Variants in IPO7 observed in about 807,000 individuals in gnomAD.
IPO7 encodes the protein importin 7.
In IPO7, 13 loss-of-function variants were observed where a neutral mutation model predicts 136.4. The observed-to-expected ratio is 0.10, with a 90% CI of 0.06 to 0.15. The LOEUF (loss-of-function observed/expected upper bound fraction) is 0.15, where lower values mean the gene tolerates loss of function less well. Ranked by LOEUF, IPO7 falls within the 10% of genes least tolerant of loss-of-function variation. The pLI, the probability that IPO7 is intolerant of heterozygous loss-of-function variation, is 1.00. For synonymous variants in IPO7, 403 were observed against 404.4 expected (o/e 1.00, Z 0.04); for missense variants, 857 against 1,240.6 (o/e 0.69, Z 4.65).
chr11:9,402,574 T>A (rs1370999527), intron 1 of IPO7, among the ~76,000 whole-genome samples: 2 of 148,648 alleles, frequency 1.3e-5, no homozygotes, highest in Admixed American at 1.3e-4. Context: ...ATATAAAAAA[T>A]TAGGGCTGGG....
chr11:9,424,070 A>C (rs1564999910), intron 10 of IPO7, among the ~76,000 whole-genome samples, 194 bp downstream of exon 10: 1 of 152,170 alleles, frequency 6.6e-6, no homozygotes, highest in Non-Finnish European at 1.5e-5. Context: ...GGCAGACACA[A>C]ATTCAATACT....
intron 7 of IPO7, 41 bp downstream of exon 7, chr11:9,420,546 A>C: frequency 6.4e-7 from 1 of 1,570,382 alleles, no homozygotes; most frequent in Non-Finnish European, 8.8e-7. Context: ...TAATTTATTA[A>C]GGTTTTGCTT....
chr11:9,438,077 T>TTTGG lies in IPO7; in HGVS notation c.2490-3_2490-2insTTGG. On this transcript the variant is annotated splice_region_variant and splice_polypyrimidine_tract_variant and intron_variant, in intron 21 of 24. Transcript: ENST00000379719. ...TTTTTTTTTTTTTTTTTTTTTTTTT[T>TTTGG]AGGCTTCATGACAGAAAGATGTGTG... The TTTGG allele has an allele frequency of 8.3e-7, 1 of 1,201,298 alleles. No homozygotes were observed. The highest frequency in any genetic ancestry group is 1.2e-6 in the Non-Finnish European group (1 of 866,684). The allele number at this position is 1,201,298 out of a possible 1,614,324, so 74.4% of individuals were successfully genotyped here. A position where few individuals can be genotyped will look rare whatever the true frequency, so the allele number is the denominator to read the frequency against.
chr11:9,402,865 A>C (rs1205864754), intron 1 of IPO7: 1 of 166,748 alleles, frequency 6.0e-6, no homozygotes, highest in Admixed American at 6.4e-5. Context: ...AAAAAAAAAA[A>C]AATTAGCGGG....
At position 9,418,925 on chromosome 11, in the gene IPO7, A is replaced by T. The variant is rs372247747; in HGVS notation, c.727-1486A>T. Among the ~76,000 whole-genome samples the T allele has an allele frequency of 2.6e-5, 4 of 152,208 alleles. No homozygotes were observed. The East Asian group carries it at 7.7e-4, about 29-fold the overall frequency. The stretch of plus-strand genomic sequence containing the variant: ...CTTAATATATTTATAAGATTCTTTC[A>T]TGTTGTATAGTGGTAGTTTATTATT... On this transcript the variant is annotated intron_variant, in intron 6 of 24. Coordinates refer to ENST00000379719, the MANE Select transcript of IPO7 (RefSeq NM_006391.3).
At chr11:9,426,833 C>T (rs1855216119) in intron 12 of IPO7, among the ~76,000 whole-genome samples, 2 of 152,128 alleles carry the variant, frequency 1.3e-5, no homozygotes, top group Admixed American at 1.3e-4. Context: ...TCTTGGCTCG[C>T]TGCAGCCACC....
At chr11:9,402,399 CAAAAAA>C (rs71062846) in intron 1 of IPO7, among the ~76,000 whole-genome samples, 15 of 44,898 alleles carry the variant, frequency 3.3e-4, no homozygotes, top group African/African-American at 1.6e-3. Context: ...GACTGTGTCT[CAAAAAA>C]AAAAAAAAAA....
At chr11:9,412,845 A>G (rs1854986640) in intron 4 of IPO7, among the ~76,000 whole-genome samples, 1 of 148,066 alleles carries the variant, frequency 6.8e-6, no homozygotes, top group African/African-American at 2.5e-5. Context: ...AAAAAAGGAT[A>G]CTGGAATTGC....
At chr11:9,437,624 C>A (rs1855397806) in intron 20 of IPO7, 130 bp from the exon 21 acceptor site, 2 of 670,328 alleles carry the variant, frequency 3.0e-6, no homozygotes, top group Non-Finnish European at 5.1e-6. Flanking sequence ...CAGTGCAGTG[C>A]CTCAGCAGTA....
chr11:9,403,641 C>A (rs773526639), intron 2 of IPO7: 2 of 356,894 alleles, frequency 5.6e-6, no homozygotes, highest in Non-Finnish European at 1.0e-5. Context: ...TAGAGTCCTT[C>A]CCTGATGGGT....
At chr11:9,425,664 A>G (rs1189053823) in intron 12 of IPO7, among the ~76,000 whole-genome samples, 6 of 152,120 alleles carry the variant, frequency 3.9e-5, no homozygotes, top group Admixed American at 3.3e-4. Context: ...TCATGAGGTC[A>G]GGAGATCGAG....
chr11:9,437,083 G>A (rs1420916267), intron 20 of IPO7, among the ~76,000 whole-genome samples: 7 of 147,948 alleles, frequency 4.7e-5, no homozygotes, highest in South Asian at 2.2e-4. Flanking sequence ...AAGGAGTTTC[G>A]CCATTTTGGC....
chr11:9,436,646 C>T (rs1268543122), intron 20 of IPO7, among the ~76,000 whole-genome samples: 1 of 150,194 alleles, frequency 6.7e-6, no homozygotes, highest in African/African-American at 2.4e-5. Context: ...TATCCATGGT[C>T]AGTTTTTTTG....
At chr11:9,417,235 C>G (rs1284226200) in intron 6 of IPO7, 87 bp downstream of exon 6, 2 of 581,058 alleles carry the variant, frequency 3.4e-6, no homozygotes, top group African/African-American at 3.8e-5. Flanking sequence ...CTGTAACATT[C>G]TTTATGAATT....
chr11:9,447,371 C>G lies in IPO7; in HGVS notation c.*2177C>G, dbSNP rs1855543491. On this transcript the variant is annotated 3_prime_UTR_variant, in exon 25 of 25. Coordinates refer to ENST00000379719, the MANE Select transcript of IPO7 (RefSeq NM_006391.3). ...ACTAATCTCCGTTTACAGACTTTAA[C>G]TTGAAATTAGACCTTATAATTAAAC... is the stretch of plus-strand genomic sequence containing the variant. 6.6e-6 allele frequency: 1 copy of G among 152,164 alleles called. No homozygotes were observed. The highest frequency in any genetic ancestry group is 2.4e-5 in the African/African-American group (1 of 41,450). 9.4% of individuals were successfully genotyped at this position (152,164 alleles called of 1,614,324 possible).
At chr11:9,436,505 C>A in intron 20 of IPO7, 139 bp downstream of exon 20, 1 of 557,318 alleles carries the variant, frequency 1.8e-6, no homozygotes, top group Non-Finnish European at 3.2e-6. Flanking sequence ...ATTTTTAGTT[C>A]AAAATGTAAC....
chr11:9,430,517 T>TGA (rs1191873020), intron 15 of IPO7: 2 of 178,922 alleles, frequency 1.1e-5, no homozygotes, highest in Admixed American at 5.9e-5. Context: ...ACCCCCTTGA[T>TGA]GATTAAATAT....
intron 4 of IPO7, among the ~76,000 whole-genome samples, chr11:9,413,541 T>C (rs1854998179): frequency 6.6e-6 from 1 of 152,128 alleles, no homozygotes; most frequent in African/African-American, 2.4e-5. Flanking sequence ...TCCTCATTTA[T>C]TATGAGGTCA....
At chr11:9,395,727 T>A (rs916435740) in intron 1 of IPO7, among the ~76,000 whole-genome samples, 1 of 151,714 alleles carries the variant, frequency 6.6e-6, no homozygotes, top group Non-Finnish European at 1.5e-5. Context: ...AAAGTTATGC[T>A]TTTTTTTGAG....
Sources: allele counts gnomAD v4.1 joint callset (sites outside exome capture counted in the v4.1 genomes callset), GRCh38; gene constraint gnomAD v4.1.1; transcripts MANE v1.5; gene names NCBI Gene and HGNC (gene_info 2026-07-23, HGNC 2026-07-21).